The following ATF7 variants were observed in gnomAD, a reference collection of about 807,000 sequenced individuals.
ATF7 encodes the protein activating transcription factor 7, also known as cyclic AMP-dependent transcription factor ATF-7.
Under a neutral mutation model 50.4 loss-of-function variants are expected in ATF7, and 10 were observed. That is an observed-to-expected ratio of 0.20 (90% CI 0.12 to 0.34). The LOEUF is 0.34. Among genes scored for constraint, ATF7 ranks in the 10% least tolerant of loss-of-function variants. ATF7 has a pLI of 1.00. For synonymous variants in ATF7, 201 were observed against 226.4 expected, an observed-to-expected ratio of 0.89 and a Z score of 1.01; for missense variants, 465 against 613.9, an observed-to-expected ratio of 0.76 and a Z score of 2.56.
chr12:53,534,840 G>A (rs773034355), intron 5 of ATF7, among the ~76,000 whole-genome samples, 181 bp from the exon 6 acceptor site: 2 of 152,192 alleles, frequency 1.3e-5, no homozygotes, highest in Non-Finnish European at 2.9e-5. Context: ...GAGGAATGGT[G>A]TATTAAGATC....
chr12:53,534,428 C>T (rs1365582242), intron 6 of ATF7, 74 bp downstream of exon 6: 1 of 1,589,990 alleles, frequency 6.3e-7, no homozygotes, highest in African/African-American at 1.3e-5. Context: ...AAAACAGTCC[C>T]AGTTTTATCA....
intron 2 of ATF7, among the ~76,000 whole-genome samples, chr12:53,598,987 T>C (rs550652366): frequency 6.6e-6 from 1 of 152,320 alleles, no homozygotes; most frequent in South Asian, 2.1e-4. Flanking sequence ...AGCATCATAG[T>C]AAATAGTATT....
intron 2 of ATF7, among the ~76,000 whole-genome samples, chr12:53,583,591 C>T (rs939655561): frequency 1.3e-5 from 2 of 152,100 alleles, no homozygotes; most frequent in Non-Finnish European, 2.9e-5. Context: ...AAACCAGTCC[C>T]TGGTGTCAAA....
At chr12:53,586,222 TAC>T (rs1190397769) in intron 2 of ATF7, among the ~76,000 whole-genome samples, 2 of 152,164 alleles carry the variant, frequency 1.3e-5, no homozygotes, top group Non-Finnish European at 2.9e-5. Flanking sequence ...TTATAAAACA[TAC>T]ACAGACATCT....
At chr12:53,600,865 T>C in intron 2 of ATF7, 88 bp downstream of exon 2, 1 of 1,325,094 alleles carries the variant, frequency 7.5e-7, no homozygotes, top group Non-Finnish European at 1.1e-6. Context: ...TCACGTAAAA[T>C]ACTGGCTTTA....
At chr12:53,610,542 G>A (rs1243866382) in intron 1 of ATF7, among the ~76,000 whole-genome samples, 4 of 145,312 alleles carry the variant, frequency 2.8e-5, no homozygotes, top group African/African-American at 1.0e-4. Flanking sequence ...TCCAGCCTGG[G>A]CAATAGAGTG....
chr12:53,620,167 G>A (rs1565608028), intron 1 of ATF7, among the ~76,000 whole-genome samples: 1 of 151,622 alleles, frequency 6.6e-6, no homozygotes, highest in Non-Finnish European at 1.5e-5. Context: ...GGCCGAGCAC[G>A]GTGGCTCACG....
intron 3 of ATF7, among the ~76,000 whole-genome samples, chr12:53,552,154 C>G (rs1032985341): frequency 1.3e-5 from 2 of 152,124 alleles, no homozygotes; most frequent in African/African-American, 4.8e-5. Context: ...AGAGAAGCAA[C>G]CAGGCTAGAT....
chr12:53,596,889 CA>C (rs1248781054), intron 2 of ATF7, among the ~76,000 whole-genome samples: 1 of 152,174 alleles, frequency 6.6e-6, no homozygotes, highest in Non-Finnish European at 1.5e-5. Flanking sequence ...ATAAACATTT[CA>C]AAAACCCATA....
chr12:53,527,793 C>T (rs1418688368), intron 9 of ATF7, among the ~76,000 whole-genome samples: 1 of 151,562 alleles, frequency 6.6e-6, no homozygotes, highest in Non-Finnish European at 1.5e-5. Flanking sequence ...GAATCTTGTA[C>T]TCTACTCTAG....
chr12:53,556,044 G>A (rs996707047), intron 2 of ATF7, among the ~76,000 whole-genome samples: 7 of 151,974 alleles, frequency 4.6e-5, no homozygotes, highest in South Asian at 2.1e-4. Context: ...TTGAACTCCC[G>A]ACCTCAGGTG....
chr12:53,604,107 A>C (rs774687574), intron 1 of ATF7, among the ~76,000 whole-genome samples: 14 of 152,190 alleles, frequency 9.2e-5, no homozygotes, highest in Non-Finnish European at 2.1e-4. Flanking sequence ...CTAAACAATA[A>C]ATGACAGAAG....
chr12:53,550,311 G>T (rs1940254766), intron 3 of ATF7, among the ~76,000 whole-genome samples: 1 of 141,304 alleles, frequency 7.1e-6, no homozygotes, highest in African/African-American at 2.6e-5. Context: ...GCAACAGAGT[G>T]AGACCCTGTC....
At chr12:53,610,898 G>A (rs1943842773) in intron 1 of ATF7, among the ~76,000 whole-genome samples, 1 of 152,070 alleles carries the variant, frequency 6.6e-6, no homozygotes, top group Admixed American at 6.6e-5. Context: ...CATGATCACA[G>A]TTCACTACAG....
intron 2 of ATF7, among the ~76,000 whole-genome samples, chr12:53,555,530 T>C (rs1354008529): frequency 8.7e-6 from 1 of 115,202 alleles, no homozygotes; most frequent in African/African-American, 3.5e-5. Context: ...TGAGACGGAG[T>C]CTCGCTCTGT....
chr12:53,543,299 C>A, intron 4 of ATF7, 31 bp downstream of exon 4: 1 of 1,558,496 alleles, frequency 6.4e-7, no homozygotes. Context: ...CTGAATACCA[C>A]CAGTTTTTTG....
intron 5 of ATF7, among the ~76,000 whole-genome samples, chr12:53,536,259 G>A (rs1939214516): frequency 6.6e-6 from 1 of 151,348 alleles, no homozygotes. Flanking sequence ...CACTCACATT[G>A]CTGTGTAATT....
chr12:53,524,138 A>G lies in ATF7; in HGVS notation c.1125+426T>C, dbSNP rs1459294316. Reference sequence around the variant, plus strand: ...TATTTTAATAATCAGAAGGAAAAATAACATTCAAGAGAAGGTATGGATTAT... The same window carrying G: ...TATTTTAATAATCAGAAGGAAAAATGACATTCAAGAGAAGGTATGGATTAT... On this transcript the variant is annotated intron_variant, in intron 10 of 11. Coordinates refer to ENST00000420353, the MANE Select transcript of ATF7 (RefSeq NM_006856.3). The surrounding 1 kb of genome is among the most constrained non-coding windows in gnomAD (Gnocchi z 4.6). Among the ~76,000 whole-genome samples the G allele has an allele frequency of 6.6e-6, 1 of 152,270 alleles. No homozygotes were observed. Among genetic ancestry groups the G allele is most frequent in the East Asian group, 1.9e-4 (1 of 5,208 alleles).
chr12:53,533,184 T>C lies in ATF7; in HGVS notation c.636A>G (p.Pro212=). 6.2e-7 allele frequency: 1 copy of C among 1,613,778 alleles called. No homozygotes were observed. Among genetic ancestry groups the C allele is most frequent in the Non-Finnish European group, 8.5e-7 (1 of 1,179,710 alleles). The change falls in exon 7 of 12, where the codon CCA becomes CCG. Residue 212 remains proline (P), a synonymous_variant. Coordinates refer to ENST00000420353, the MANE Select transcript of ATF7 (RefSeq NM_006856.3). ...GQTMPVLPGP[P]VQMPSVISLA... is the part of the protein sequence containing the mutation. ...CCGATATAACAGACGGCATCTGTAC[T>C]GGAGGCCCTGGCAACACAGGCATGG... is the stretch of plus-strand genomic sequence containing the variant.
Sources: allele counts gnomAD v4.1 joint callset (sites outside exome capture counted in the v4.1 genomes callset), GRCh38; gene constraint gnomAD v4.1.1; non-coding constraint Gnocchi (gnomAD v3.1); transcripts MANE v1.5; gene names NCBI Gene and HGNC (gene_info 2026-07-23, HGNC 2026-07-21).